Variants in MBNL2 observed in about 807,000 individuals in gnomAD.
MBNL2 encodes the protein muscleblind like splicing regulator 2.
A neutral mutation model predicts 41.9 loss-of-function variants in MBNL2; 17 were observed. The ratio of observed to expected loss-of-function variants is 0.41; its 90% confidence interval spans 0.28 to 0.61. MBNL2 has a LOEUF of 0.61. Ranked by LOEUF, MBNL2 falls within the 20% of genes least tolerant of loss-of-function variation. MBNL2 has a pLI of 0.35. For synonymous variants in MBNL2, 195 were observed against 182.9 expected, an observed-to-expected ratio of 1.07 and a Z score of -0.53; for missense variants, 336 against 505.6, an observed-to-expected ratio of 0.66 and a Z score of 3.22.
At chr13:97,386,516 G>A (rs557887681) in intron 8 of MBNL2, among the ~76,000 whole-genome samples, 7 of 152,166 alleles carry the variant, frequency 4.6e-5, no homozygotes, top group Non-Finnish European at 1.0e-4. Flanking sequence ...TTCCTGCCTG[G>A]CCCCAGGAGG....
At chr13:97,287,145 A>G (rs2054624937) in intron 2 of MBNL2, among the ~76,000 whole-genome samples, 2 of 152,124 alleles carry the variant, frequency 1.3e-5, no homozygotes, top group Admixed American at 6.6e-5. Flanking sequence ...TTGGTTTACA[A>G]CTCGAAAGGT....
chr13:97,175,462 G>A, the MBNL2 span, among the ~76,000 whole-genome samples: 8 of 152,254 alleles, frequency 5.3e-5, no homozygotes, highest in African/African-American at 1.9e-4. Flanking sequence ...CACACCACCT[G>A]GATTGCAAAG....
chr13:97,206,030 T>C, the MBNL2 span, among the ~76,000 whole-genome samples: 1 of 152,194 alleles, frequency 6.6e-6, no homozygotes, highest in Admixed American at 6.5e-5. Flanking sequence ...ATGAGTTATT[T>C]TTGAGATTAT....
chr13:97,263,869 C>A (rs1464498505), intron 1 of MBNL2, among the ~76,000 whole-genome samples: 1 of 152,100 alleles, frequency 6.6e-6, no homozygotes, highest in Non-Finnish European at 1.5e-5. Flanking sequence ...CTGCCCGCCT[C>A]GGCCTCCGAA....
intron 2 of MBNL2, among the ~76,000 whole-genome samples, chr13:97,287,824 C>T (rs1594155739): frequency 6.8e-6 from 1 of 147,390 alleles, no homozygotes; most frequent in African/African-American, 2.5e-5. Flanking sequence ...CTCCTGGGTT[C>T]AAGTGATTCT....
At chr13:97,365,817 T>C (rs2063799627) in intron 8 of MBNL2, among the ~76,000 whole-genome samples, 1 of 152,018 alleles carries the variant, frequency 6.6e-6, no homozygotes, top group South Asian at 2.1e-4. Flanking sequence ...CTATTTAGAG[T>C]CAAGAAAAAG....
At chr13:97,250,998 C>T (rs2046397111) in intron 1 of MBNL2, among the ~76,000 whole-genome samples, 1 of 151,952 alleles carries the variant, frequency 6.6e-6, no homozygotes, top group Non-Finnish European at 1.5e-5. Context: ...AGCCTCCTTG[C>T]CATTGCTATT....
intron 6 of MBNL2, 98 bp downstream of exon 6, chr13:97,356,947 T>A (rs2063041310): frequency 3.1e-6 from 2 of 640,556 alleles, no homozygotes; most frequent in Non-Finnish European, 4.7e-6. Flanking sequence ...ACAATCATTA[T>A]TATTAATTTA....
intron 1 of MBNL2, among the ~76,000 whole-genome samples, chr13:97,234,196 CTG>C (rs1383227792): frequency 5.3e-5 from 8 of 152,330 alleles, no homozygotes; most frequent in African/African-American, 1.9e-4. Context: ...AAATGGGACT[CTG>C]TAACCTGCAC....
chr13:97,299,673 T>TATCTATCTATCTATC (rs2057421129), intron 2 of MBNL2, among the ~76,000 whole-genome samples: 1 of 152,034 alleles, frequency 6.6e-6, no homozygotes, highest in African/African-American at 2.4e-5. Context: ...TCTATCTATC[T>TATCTATCTATCTATC]ATCTATCTAT....
At chr13:97,222,129 T>C (rs182977998), upstream of MBNL2, among the ~76,000 whole-genome samples, 1 of 152,296 alleles carries the variant, frequency 6.6e-6, no homozygotes, top group African/African-American at 2.4e-5. Context: ...GGTGCTATGA[T>C]TGCTTTCTTC....
rs995773935 is a variant in MBNL2, at chr13:97,328,137, T to A, written c.175-6139T>A. On this transcript the variant is annotated intron_variant, in intron 2 of 8. Coordinates refer to ENST00000679496, the MANE Select transcript of MBNL2 (RefSeq NM_001382683.1). ...AAGAACAGCAGCGCTGCATTTTAAA[T>A]CCAATTAGTCCAGTTCTGAGACGGT... Among the ~76,000 whole-genome samples, 31 of 149,976 alleles carry A rather than the reference T, an allele frequency of 2.1e-4. No homozygotes were observed. In the East Asian group the frequency reaches 5.3e-3, roughly 26 times the overall value.
At position 97,271,922 on chromosome 13, in the gene MBNL2, C is replaced by G. The variant is rs559241325; in HGVS notation, c.-604-3710C>G. Among the ~76,000 whole-genome samples, 12 of 152,168 alleles carry G rather than the reference C, an allele frequency of 7.9e-5. No individual in the cohort carries two copies. In the South Asian group the frequency reaches 2.1e-3, roughly 26 times the overall value. On this transcript the variant is annotated intron_variant, in intron 1 of 8. Transcript: ENST00000679496. ...TCTTTACAGTAGAATGATTTATATT[C>G]CTTTGGGTATATATACCCAGTAATG...
intron 4 of MBNL2, among the ~76,000 whole-genome samples, chr13:97,345,851 A>C (rs191662673): frequency 9.7e-4 from 142 of 145,992 alleles, no homozygotes; most frequent in Non-Finnish European, 1.7e-3. Context: ...AGCTTGATAT[A>C]GGTGAAATTA....
chr13:97,200,453 C>T, the MBNL2 span, among the ~76,000 whole-genome samples: 2 of 152,180 alleles, frequency 1.3e-5, no homozygotes, highest in African/African-American at 4.8e-5. Context: ...TCTGGAGAAA[C>T]ATAGTTCCGG....
Position 97,311,410 on chromosome 13 carries a change from G to A in MBNL2, c.175-22866G>A, listed in dbSNP as rs192360823. Among the ~76,000 whole-genome samples the A allele has an allele frequency of 8.1e-4, 123 of 152,296 alleles. 1 individual carries two copies. The highest frequency in any genetic ancestry group is 2.8e-3 in the African/African-American group (118 of 41,566). On this transcript the variant is annotated intron_variant, in intron 2 of 8. Coordinates refer to ENST00000679496, the MANE Select transcript of MBNL2 (RefSeq NM_001382683.1). ...CAAACATGGTGGTAATTATGGTAGA[G>A]TGATGCTTTTAAGCGTGAATCCCCT...
chr13:97,338,453 G>A (rs915590988), intron 3 of MBNL2, among the ~76,000 whole-genome samples: 3 of 152,214 alleles, frequency 2.0e-5, no homozygotes, highest in African/African-American at 7.2e-5. Context: ...TGTACACAGT[G>A]TTCTGGCACC....
chr13:97,251,023 A>G (rs2046402637), intron 1 of MBNL2, among the ~76,000 whole-genome samples: 1 of 152,046 alleles, frequency 6.6e-6, no homozygotes, highest in Non-Finnish European at 1.5e-5. Context: ...CTGCCCAGGA[A>G]GAAGAACTCT....
chr13:97,290,607 C>T (rs1165711777), intron 2 of MBNL2, among the ~76,000 whole-genome samples: 5 of 147,922 alleles, frequency 3.4e-5, no homozygotes, highest in Admixed American at 1.4e-4. Context: ...ACCCGGGAAG[C>T]GGAGCTTGCA....
Sources: gnomAD v4.1 joint callset for allele counts (sites outside exome capture counted in the v4.1 genomes callset) on GRCh38, gnomAD v4.1.1 for gene constraint, MANE v1.5 for transcripts, NCBI Gene and HGNC (gene_info 2026-07-23, HGNC 2026-07-21) for gene names.